The following CLSPN variants were observed in gnomAD, a reference collection of about 807,000 sequenced individuals.
CLSPN encodes claspin.
In CLSPN, 85 loss-of-function variants were observed where a neutral mutation model predicts 156.3. The ratio of observed to expected loss-of-function variants is 0.54; its 90% CI spans 0.46 to 0.65. The LOEUF (loss-of-function observed/expected upper bound fraction) is 0.65. CLSPN is among the 30% of genes least tolerant of loss of function. The pLI is 0.00. For synonymous variants in CLSPN, 534 were observed against 542.4 expected (o/e 0.98, Z 0.22); for missense variants, 1,407 against 1,554.9 (o/e 0.90, Z 1.60).
chr1:35,737,530 G>T, intron 22 of CLSPN, 109 bp from the exon 23 acceptor site: 1 of 813,138 alleles, frequency 1.2e-6, no homozygotes, highest in East Asian at 2.7e-5. Context: ...CTAAAGCCAT[G>T]GGAACTCTGT....
downstream of CLSPN, among the ~76,000 whole-genome samples, chr1:35,727,697 G>A (rs1362715597): frequency 1.3e-5 from 2 of 152,218 alleles, no homozygotes; most frequent in African/African-American, 4.8e-5. Context: ...ACGAGCATTT[G>A]TTGAGATTTA....
At chr1:35,726,068 AGTTG>A (rs1056656119) in intron 24 of CLSPN, among the ~76,000 whole-genome samples, 6 of 138,576 alleles carry the variant, frequency 4.3e-5, no homozygotes, top group African/African-American at 1.6e-4. Context: ...TCGTTCTTTG[AGTTG>A]GTTGCACCCA....
chr1:35,725,305 A>C (rs1180787105), intron 24 of CLSPN, among the ~76,000 whole-genome samples: 1 of 152,118 alleles, frequency 6.6e-6, no homozygotes, highest in East Asian at 1.9e-4. Flanking sequence ...ATGAAAGGTA[A>C]TATAAATTCT....
chr1:35,766,092 T>C (rs1406798486), intron 1 of CLSPN, among the ~76,000 whole-genome samples: 1 of 149,708 alleles, frequency 6.7e-6, no homozygotes, highest in Non-Finnish European at 1.5e-5. Flanking sequence ...CCTCCTGGGT[T>C]CAAGCGATTC....
intron 9 of CLSPN, among the ~76,000 whole-genome samples, chr1:35,752,226 G>A (rs1023634296): frequency 2.0e-5 from 3 of 152,068 alleles, no homozygotes; most frequent in Admixed American, 6.5e-5. Context: ...CTGTCAATAC[G>A]AGTATGGTTT....
intron 1 of CLSPN, 39 bp from the exon 2 acceptor site, chr1:35,765,365 G>T: frequency 7.1e-7 from 1 of 1,401,204 alleles, no homozygotes; most frequent in South Asian, 1.2e-5. Context: ...ACCAGCAGGT[G>T]ACCGAAAGCT....
rs3041363 is a variant in CLSPN, at chr1:35,726,152, C to CAAAAAAAAAAAAAAAAAAAAAAA, written c.3910-5195_3910-5173dup. On this transcript the variant is annotated intron_variant, in intron 24 of 24. Coordinates refer to the CLSPN transcript ENST00000251195. ...ACACACCCATAGAAACAGATGCAGACAAAAAAAAAAAAAAAAAAAAAAAGC... is the reference window on the plus strand; with the variant it reads ...ACACACCCATAGAAACAGATGCAGACAAAAAAAAAAAAAAAAAAAAAAAAAAAAAAAAAAAAAAAAAAAAAAGC... 2.1e-4 allele frequency among the ~76,000 whole-genome samples: 10 copies of CAAAAAAAAAAAAAAAAAAAAAAA among 48,202 alleles called. 2 individuals carry two copies. Among genetic ancestry groups the CAAAAAAAAAAAAAAAAAAAAAAA allele is most frequent in the South Asian group, 2.2e-3 (2 of 896 alleles). 31.6% of individuals were successfully genotyped at this position (48,202 alleles called of 152,430 possible). A position where few individuals can be genotyped will look rare whatever the true frequency, so the allele number is the denominator to read the frequency against.
In CLSPN at chr1:35,764,203, A is replaced by G. The variant is rs572945644; in HGVS notation, c.582+63T>C. On this transcript the variant is annotated intron_variant, in intron 3 of 24. Coordinates refer to ENST00000318121, the MANE Select transcript of CLSPN (RefSeq NM_022111.4). ...AGAGCAGAAACAACCTCAAGTACTAACAGCAACCTTTTCTAAAATGTTAAC... is the reference window on the plus strand; with the variant it reads ...AGAGCAGAAACAACCTCAAGTACTAGCAGCAACCTTTTCTAAAATGTTAAC... 7.3e-5 allele frequency: 76 copies of G among 1,043,436 alleles called. No individual in the cohort carries two copies. The East Asian group carries it at 1.8e-3, about 25-fold the overall frequency. 64.6% of individuals were successfully genotyped at this position (1,043,436 alleles called of 1,614,324 possible).
Position 35,743,143 on chromosome 1 carries a change from T to C in CLSPN, c.3141A>G (p.Gln1047=). 1 of 1,612,500 alleles carries C rather than the reference T, an allele frequency of 6.2e-7. No homozygotes were observed. Among genetic ancestry groups the C allele is most frequent in the Non-Finnish European group, 8.5e-7 (1 of 1,178,618 alleles). The change falls in exon 18 of 25, where the codon CAA becomes CAG. Residue 1047 remains glutamine, a splice_region_variant and synonymous_variant. Transcript: ENST00000318121. ...LLKRSEKLKR[Q]MRLRKYLEDE... ...ATGGACATATTAATAACACGTACATTTGCCTTTTCAACTTCTCAGATCGCT... is the reference window on the plus strand; with the variant it reads ...ATGGACATATTAATAACACGTACATCTGCCTTTTCAACTTCTCAGATCGCT...
chr1:35,762,860 T>C (rs1157284810), intron 4 of CLSPN, among the ~76,000 whole-genome samples: 1 of 152,138 alleles, frequency 6.6e-6, no homozygotes, highest in Admixed American at 6.6e-5. Context: ...GGCTATAGGA[T>C]TGCAAAATTT....
intron 22 of CLSPN, 117 bp downstream of exon 22, chr1:35,737,862 GCCTCTTTAAGACA>G (rs1049449565): frequency 6.2e-6 from 3 of 483,256 alleles, no homozygotes; most frequent in African/African-American, 5.9e-5. Flanking sequence ...CCTCTGTGAA[GCCTCTTTAAGACA>G]GTATTAGACA....
Position 35,733,026 on chromosome 1 carries a change from G to A in CLSPN, c.*3470C>T, listed in dbSNP as rs933196191. ...GTCGCCCATGCTGGAGAGCAGTGGCGTGATCTCGGCTCACTGCAACCTCTG... is the reference window on the plus strand; with the variant it reads ...GTCGCCCATGCTGGAGAGCAGTGGCATGATCTCGGCTCACTGCAACCTCTG... On this transcript the variant is annotated 3_prime_UTR_variant, in exon 25 of 25. Transcript: ENST00000318121. 8 of 873,072 alleles carry A rather than the reference G, an allele frequency of 9.2e-6. No individual in the cohort carries two copies. The highest frequency in any genetic ancestry group is 1.8e-5 in the African/African-American group (1 of 54,770). The allele number at this position is 873,072 out of a possible 1,614,324, so 54.1% of individuals were successfully genotyped here.
chr1:35,753,639 A>G (rs1642173601), intron 9 of CLSPN, 106 bp downstream of exon 9: 2 of 1,114,000 alleles, frequency 1.8e-6, no homozygotes, highest in African/African-American at 3.1e-5. Flanking sequence ...CAAAGCCTCC[A>G]AGGAAAAAGA....
intron 8 of CLSPN, among the ~76,000 whole-genome samples, chr1:35,758,461 A>G (rs190838625): frequency 1.3e-5 from 2 of 152,260 alleles, no homozygotes; most frequent in African/African-American, 4.8e-5. Flanking sequence ...CCTGGCCAAC[A>G]TGGTGAAACC....
intron 1 of CLSPN, 23 bp downstream of exon 1, chr1:35,769,824 G>T (rs77552681): frequency 0.018 from 27,990 of 1,590,828 alleles, 313 homozygotes; most frequent in Non-Finnish European, 0.021. Context: ...AAGCCCCCGT[G>T]GGGGGCGTGT....
intron 10 of CLSPN, among the ~76,000 whole-genome samples, chr1:35,750,950 C>T (rs1176482923): frequency 1.3e-5 from 2 of 151,638 alleles, no homozygotes; most frequent in Non-Finnish European, 2.9e-5. Context: ...GAATACAAAG[C>T]CATTTTTAAT....
downstream of CLSPN, among the ~76,000 whole-genome samples, chr1:35,729,998 G>A (rs1641276262): frequency 6.6e-6 from 1 of 152,168 alleles, no homozygotes; most frequent in African/African-American, 2.4e-5. Flanking sequence ...CCTCTATTCT[G>A]TCCTGCACTA....
chr1:35,723,326 G>T (rs1250777370), intron 24 of CLSPN, among the ~76,000 whole-genome samples: 1 of 152,210 alleles, frequency 6.6e-6, no homozygotes. Flanking sequence ...CCCAATGATG[G>T]ACAGCGGGTA....
Position 35,746,661 on chromosome 1 carries a change from G to T in CLSPN, c.2854+105C>A, listed in dbSNP as rs1182752133. ...GATCCATCCAACTTAGCCTCCCAAAGTTCTAGGATTACAGGCATGAGCCAC... is the reference window on the plus strand; with the variant it reads ...GATCCATCCAACTTAGCCTCCCAAATTTCTAGGATTACAGGCATGAGCCAC... On this transcript the variant is annotated intron_variant, in intron 15 of 24. Transcript: ENST00000318121. This position sits in a 1 kb window ranked among gnomAD's most constrained non-coding sequence, Gnocchi z 4.2. The T allele has an allele frequency of 2.7e-6, 2 of 740,640 alleles. No individual in the cohort carries two copies. The highest frequency in any genetic ancestry group is 1.7e-5 in the African/African-American group (1 of 57,258). 45.9% of individuals were successfully genotyped at this position (740,640 alleles called of 1,614,324 possible).
Sources: allele counts gnomAD v4.1 joint callset (sites outside exome capture counted in the v4.1 genomes callset), GRCh38; gene constraint gnomAD v4.1.1; non-coding constraint Gnocchi (gnomAD v3.1); transcripts MANE v1.5; gene names NCBI Gene and HGNC (gene_info 2026-07-23, HGNC 2026-07-21).